Variants in AFF3 observed in about 807,000 individuals in gnomAD.
AFF3 encodes ALF transcription elongation factor 3, also known as AF4/FMR2 family member 3.
AFF3 carries 32 observed loss-of-function variants against 129.7 expected under a neutral mutation model. The ratio of observed to expected loss-of-function variants is 0.25; its 90% confidence interval spans 0.19 to 0.33. The LOEUF (loss-of-function observed/expected upper bound fraction) is 0.33. Among genes scored for constraint, AFF3 ranks in the 10% least tolerant of loss-of-function variants. The probability of loss-of-function intolerance (pLI) is 1.00; values close to 1 mark genes in which losing one functional copy is unlikely to be tolerated. For missense variants in AFF3, 1,373 were observed against 1,592.0 expected, an observed-to-expected ratio of 0.86 and a Z score of 2.34; for synonymous variants, 644 against 635.4, an observed-to-expected ratio of 1.01 and a Z score of -0.20.
intron 2 of AFF3, among the ~76,000 whole-genome samples, chr2:100,126,882 G>T (rs758668183): frequency 2.0e-5 from 3 of 152,166 alleles, no homozygotes; most frequent in Non-Finnish European, 4.4e-5. Flanking sequence ...AAAATGAAAA[G>T]GTGGAGTTGT....
At chr2:99,994,377 G>T (rs1680646357) in intron 7 of AFF3, among the ~76,000 whole-genome samples, 2 of 152,148 alleles carry the variant, frequency 1.3e-5, no homozygotes, top group South Asian at 4.1e-4. Flanking sequence ...AAAAAAGTGA[G>T]ACACTGTCAT....
intron 4 of AFF3, among the ~76,000 whole-genome samples, chr2:100,048,821 ATTTC>A (rs1686047852): frequency 6.6e-6 from 1 of 152,202 alleles, no homozygotes; most frequent in Non-Finnish European, 1.5e-5. Flanking sequence ...TTAACATGGG[ATTTC>A]TTTATTGATG....
intron 7 of AFF3, among the ~76,000 whole-genome samples, chr2:99,986,127 G>A (rs963961346): frequency 9.9e-5 from 15 of 151,180 alleles, no homozygotes; most frequent in African/African-American, 3.6e-4. Flanking sequence ...TGTGAACCCA[G>A]GAGGCGGAGC....
intron 7 of AFF3, among the ~76,000 whole-genome samples, chr2:99,885,041 A>G (rs1047561188): frequency 6.6e-6 from 1 of 152,108 alleles, no homozygotes; most frequent in Non-Finnish European, 1.5e-5. Flanking sequence ...TAGAGCTTCC[A>G]CTGTTCAGTT....
At chr2:99,767,176 G>A (rs568114409) in intron 8 of AFF3, among the ~76,000 whole-genome samples, 59 of 152,328 alleles carry the variant, frequency 3.9e-4, no homozygotes, top group African/African-American at 1.3e-3. Flanking sequence ...GGGAAACAAA[G>A]CAGAATACAA....
At chr2:99,642,424 C>T (rs1054865260) in intron 13 of AFF3, among the ~76,000 whole-genome samples, 3 of 152,066 alleles carry the variant, frequency 2.0e-5, no homozygotes, top group Non-Finnish European at 2.9e-5. Flanking sequence ...AGCCACTAAG[C>T]GATGAGCCCC....
chr2:100,083,465 C>T (rs1286985616), intron 4 of AFF3, among the ~76,000 whole-genome samples: 1 of 152,216 alleles, frequency 6.6e-6, no homozygotes, highest in African/African-American at 2.4e-5. Flanking sequence ...AGTGTCTTCA[C>T]AATCACCGCA....
chr2:99,909,615 AAAAAAAGAAAAG>A (rs1694979602), intron 7 of AFF3, among the ~76,000 whole-genome samples: 1 of 152,052 alleles, frequency 6.6e-6, no homozygotes, highest in Non-Finnish European at 1.5e-5. Context: ...TAATAATAAA[AAAAAAAGAAAAG>A]AAAAAAGAAA....
chr2:100,065,398 G>C (rs577158184), intron 4 of AFF3, among the ~76,000 whole-genome samples: 8 of 152,008 alleles, frequency 5.3e-5, no homozygotes, highest in Non-Finnish European at 1.0e-4. Context: ...TTCTTCTTAC[G>C]CATGCATTTA....
chr2:100,115,255 A>G (rs1297537450), intron 2 of AFF3, among the ~76,000 whole-genome samples: 1 of 152,230 alleles, frequency 6.6e-6, no homozygotes, highest in Non-Finnish European at 1.5e-5. Context: ...GCTTAAAAAT[A>G]TGTGTATACC....
At chr2:99,648,917 A>ACTCTCTCTCT (rs769906171) in intron 13 of AFF3, among the ~76,000 whole-genome samples, 27 of 46,922 alleles carry the variant, frequency 5.8e-4, no homozygotes, top group South Asian at 3.7e-3. Flanking sequence ...ACACACACAC[A>ACTCTCTCTCT]CTCTCTCTCT....
chr2:99,811,430 C>G (rs1457346017), intron 8 of AFF3, among the ~76,000 whole-genome samples: 3 of 150,668 alleles, frequency 2.0e-5, no homozygotes, highest in African/African-American at 7.3e-5. Context: ...GTTTTTTTTT[C>G]CCTTAAGGAC....
chr2:99,907,327 T>G (rs1694786525), intron 7 of AFF3, among the ~76,000 whole-genome samples: 1 of 152,156 alleles, frequency 6.6e-6, no homozygotes, highest in African/African-American at 2.4e-5. Context: ...TTATTTTATA[T>G]AATTAACAAG....
At chr2:100,086,716 G>A (rs1689461428) in intron 4 of AFF3, among the ~76,000 whole-genome samples, 1 of 152,104 alleles carries the variant, frequency 6.6e-6, no homozygotes, top group African/African-American at 2.4e-5. Flanking sequence ...TTTCTAGCTG[G>A]CCTTCTGGAG....
At chr2:100,000,718 G>C (rs62149307) in intron 7 of AFF3, among the ~76,000 whole-genome samples, 16,296 of 152,168 alleles carry the variant, frequency 0.11, 1,210 homozygotes, top group Non-Finnish European at 0.15. Context: ...CTGCCAAGCA[G>C]GTATCATTAT....
rs1187727343 is a variant in AFF3, at chr2:99,593,581, G to C, written c.2080C>G (p.Gln694Glu). The change falls in exon 15 of 25, where the codon CAG (glutamine) becomes GAG (glutamate). Residue 694 changes from glutamine (Q) to glutamate (E), a missense_variant. Around this residue, in one of 9 missense-constraint regions of AFF3, gnomAD observed 466 missense variants for 505.0 expected, o/e 0.92. Transcript: ENST00000672756. ...EQEEYPLSKA[Q>E]TVAASASSGN... The stretch of plus-strand genomic sequence containing the variant: ...GAGGAGGCAGAGGCAGCCACGGTCT[G>C]TGCTTTGGACAGAGGGTACTCCTCC... 1.7e-5 allele frequency: 27 copies of C among 1,613,040 alleles called. No homozygotes were observed. The highest frequency in any genetic ancestry group is 2.3e-5 in the Non-Finnish European group (27 of 1,179,908).
chr2:99,616,693 T>C, intron 13 of AFF3, among the ~76,000 whole-genome samples: 1 of 151,798 alleles, frequency 6.6e-6, no homozygotes, highest in East Asian at 1.9e-4. Context: ...GAGGTGGAGG[T>C]TGCAGTGAGC....
chr2:99,654,621 C>G (rs1431270419), intron 12 of AFF3, among the ~76,000 whole-genome samples: 1 of 152,232 alleles, frequency 6.6e-6, no homozygotes, highest in African/African-American at 2.4e-5. Flanking sequence ...CACATCATCT[C>G]TTCCTTGCGA....
chr2:99,802,186 C>T (rs945778553), intron 8 of AFF3, among the ~76,000 whole-genome samples: 2 of 152,134 alleles, frequency 1.3e-5, no homozygotes, highest in South Asian at 4.1e-4. Context: ...AATTTAAAAT[C>T]CACTAAGCCA....
Sources: gnomAD v4.1 joint callset for allele counts (sites outside exome capture counted in the v4.1 genomes callset) on GRCh38, gnomAD v4.1.1 for gene constraint, gnomAD v4.1.1 regional missense constraint, MANE v1.5 for transcripts, NCBI Gene and HGNC (gene_info 2026-07-23, HGNC 2026-07-21) for gene names.